ATP10B: variants seen among roughly 807,000 people sequenced by gnomAD.
ATP10B encodes the protein phospholipid-transporting ATPase VB.
A neutral mutation model predicts 141.2 loss-of-function variants in ATP10B; 122 were observed. That is an observed-to-expected ratio of 0.86 (90% CI 0.75 to 1.00). ATP10B has a LOEUF of 1.00. Ranked by LOEUF, ATP10B falls within the 50% of genes least tolerant of loss-of-function variation. The pLI is 0.00. For synonymous variants in ATP10B, 685 were observed against 692.0 expected, an observed-to-expected ratio of 0.99 and a Z score of 0.16; for missense variants, 1,876 against 1,825.3, an observed-to-expected ratio of 1.03 and a Z score of -0.51.
chr5:160,660,363 T>C (rs1761824737), intron 7 of ATP10B, among the ~76,000 whole-genome samples: 1 of 152,190 alleles, frequency 6.6e-6, no homozygotes. Context: ...AAGCTCCCAC[T>C]GGCTAGAGAT....
intron 3 of ATP10B, among the ~76,000 whole-genome samples, chr5:160,714,947 C>A (rs1027562899): frequency 2.5e-4 from 33 of 129,960 alleles, no homozygotes; most frequent in African/African-American, 7.4e-4. Flanking sequence ...GGTCAGGGAC[C>A]CACTTGAGGA....
At chr5:160,649,623 G>A (rs886374344) in intron 7 of ATP10B, among the ~76,000 whole-genome samples, 5 of 152,206 alleles carry the variant, frequency 3.3e-5, no homozygotes, top group African/African-American at 1.2e-4. Context: ...CATTTGAAGT[G>A]TGGTAGTTTG....
chr5:160,715,808 T>G (rs1482588267), intron 3 of ATP10B, among the ~76,000 whole-genome samples: 1 of 151,790 alleles, frequency 6.6e-6, no homozygotes, highest in African/African-American at 2.4e-5. Flanking sequence ...GCCTCCTAGG[T>G]TCAAGCAATT....
the ATP10B span, among the ~76,000 whole-genome samples, chr5:160,863,882 CTAGAT>C: frequency 6.6e-6 from 1 of 151,872 alleles, no homozygotes. Context: ...TGCAACCCTC[CTAGAT>C]TAAACTAGGA....
At chr5:160,765,117 G>C (rs1156969466) in intron 2 of ATP10B, among the ~76,000 whole-genome samples, 1 of 152,264 alleles carries the variant, frequency 6.6e-6, no homozygotes, top group African/African-American at 2.4e-5. Flanking sequence ...TGAATGGGTA[G>C]AATCAATATT....
In ATP10B at chr5:160,837,639, G is replaced by C. The variant is rs376344214; in HGVS notation, c.-576+14302C>G. 6.3e-3 allele frequency among the ~76,000 whole-genome samples: 913 copies of C among 145,480 alleles called. 13 individuals carry two copies. Among genetic ancestry groups the C allele is most frequent in the African/African-American group, 0.022 (869 of 39,946 alleles). On this transcript the variant is annotated intron_variant, in intron 1 of 25. Transcript: ENST00000327245. ...AATATCATTTGTTGTAGTTCTCTCTGAAGTTAATAATCCTTTGCAAAGAAG... is the reference window on the plus strand; with the variant it reads ...AATATCATTTGTTGTAGTTCTCTCTCAAGTTAATAATCCTTTGCAAAGAAG...
the ATP10B span, among the ~76,000 whole-genome samples, chr5:160,861,910 G>A: frequency 2.6e-5 from 4 of 151,828 alleles, no homozygotes; most frequent in Non-Finnish European, 5.9e-5. Context: ...ATATTTTAAT[G>A]ATAAGTAACT....
At chr5:160,863,852 T>C in the ATP10B span, among the ~76,000 whole-genome samples, 2 of 151,850 alleles carry the variant, frequency 1.3e-5, no homozygotes, top group African/African-American at 2.4e-5. Flanking sequence ...ATAGAGGAGA[T>C]GGATAAGTTC....
At chr5:160,846,001 C>A (rs184120223) in intron 1 of ATP10B, among the ~76,000 whole-genome samples, 1 of 152,108 alleles carries the variant, frequency 6.6e-6, no homozygotes, top group Non-Finnish European at 1.5e-5. Flanking sequence ...TGTGGACACT[C>A]ATTTCTAATC....
At chr5:160,624,869 T>G (rs1758532067) in intron 13 of ATP10B, among the ~76,000 whole-genome samples, 1 of 152,192 alleles carries the variant, frequency 6.6e-6, no homozygotes, top group Non-Finnish European at 1.5e-5. Context: ...GTGGTCACAG[T>G]ATGTTCTCTT....
At chr5:160,888,262 T>G in the ATP10B span, among the ~76,000 whole-genome samples, 1,867 of 152,150 alleles carry the variant, frequency 0.012, 37 homozygotes, top group African/African-American at 0.042. Flanking sequence ...ATTAATGAGC[T>G]TTGGGAAAAG....
the ATP10B span, among the ~76,000 whole-genome samples, chr5:160,917,472 A>C: frequency 6.6e-6 from 1 of 152,184 alleles, no homozygotes; most frequent in Admixed American, 6.5e-5. Context: ...GGCAAATGGA[A>C]CAAACGCTTT....
intron 2 of ATP10B, among the ~76,000 whole-genome samples, chr5:160,725,515 G>A (rs1017613312): frequency 5.3e-5 from 8 of 151,562 alleles, no homozygotes; most frequent in Non-Finnish European, 8.8e-5. Context: ...GTGCGATCTC[G>A]GCTCACTGCA....
chr5:160,624,805 A>T (rs1243164285), intron 13 of ATP10B, among the ~76,000 whole-genome samples: 1 of 152,224 alleles, frequency 6.6e-6, no homozygotes, highest in African/African-American at 2.4e-5. Flanking sequence ...GTTAGTGTAA[A>T]GCCAGAATCA....
chr5:160,883,826 A>C, the ATP10B span, among the ~76,000 whole-genome samples: 4 of 151,314 alleles, frequency 2.6e-5, no homozygotes, highest in Non-Finnish European at 5.9e-5. Flanking sequence ...TAAGTTATTA[A>C]GAGTTTGAGT....
intron 21 of ATP10B, among the ~76,000 whole-genome samples, chr5:160,602,242 C>T (rs986214769): frequency 3.3e-5 from 5 of 152,164 alleles, no homozygotes; most frequent in African/African-American, 1.2e-4. Context: ...GATGGTAAAA[C>T]TGAGATTTGG....
intron 2 of ATP10B, among the ~76,000 whole-genome samples, chr5:160,744,782 T>C (rs893964221): frequency 6.6e-6 from 1 of 151,852 alleles, no homozygotes; most frequent in African/African-American, 2.4e-5. Context: ...ACAATTTACA[T>C]ATGTTAAGTC....
chr5:160,707,104 C>T (rs910603477), intron 3 of ATP10B, among the ~76,000 whole-genome samples: 1 of 152,100 alleles, frequency 6.6e-6, no homozygotes, highest in African/African-American at 2.4e-5. Context: ...GCGCCTGCCA[C>T]CACGCCTCGC....
chr5:160,928,140 C>T, the ATP10B span, among the ~76,000 whole-genome samples: 335 of 152,284 alleles, frequency 2.2e-3, 9 homozygotes, highest in East Asian at 0.033. Context: ...GAGACTGGCT[C>T]GGTGTCCAGC....
Sources: gnomAD v4.1 joint callset for allele counts (sites outside exome capture counted in the v4.1 genomes callset) on GRCh38, gnomAD v4.1.1 for gene constraint, MANE v1.5 for transcripts, NCBI Gene and HGNC (gene_info 2026-07-23, HGNC 2026-07-21) for gene names.